STXBP5L: variants seen among roughly 807,000 people sequenced by gnomAD.
STXBP5L encodes syntaxin-binding protein 5-like.
A neutral mutation model predicts 144.5 loss-of-function variants in STXBP5L; 65 were observed. That is an observed-to-expected ratio of 0.45 (90% CI 0.37 to 0.55). The LOEUF (loss-of-function observed/expected upper bound fraction) is 0.55, where lower values mean the gene tolerates loss of function less well. Among genes scored for constraint, STXBP5L ranks in the 20% least tolerant of loss-of-function variants. The pLI is 0.00. For missense variants in STXBP5L, 1,298 were observed against 1,405.5 expected (o/e 0.92, Z 1.22); for synonymous variants, 505 against 469.6 (o/e 1.08, Z -0.97).
chr3:121,058,995 T>A (rs1043477585), intron 5 of STXBP5L, among the ~76,000 whole-genome samples: 48 of 152,324 alleles, frequency 3.2e-4, no homozygotes, highest in African/African-American at 1.1e-3. Context: ...CATTTGTCAA[T>A]TTTGCCTTTT....
At chr3:120,959,864 A>G (rs1938547710) in intron 3 of STXBP5L, among the ~76,000 whole-genome samples, 1 of 152,252 alleles carries the variant, frequency 6.6e-6, no homozygotes, top group African/African-American at 2.4e-5. Context: ...TCATGACTAA[A>G]ACACCAAAAG....
rs1470452065 is a variant in STXBP5L, at chr3:120,909,707, A to G, written c.129A>G (p.Ala43=). The change falls in exon 2 of 27, where the codon GCA becomes GCG. Residue 43 remains alanine, a synonymous_variant. Coordinates refer to ENST00000471454, the MANE Select transcript of STXBP5L (RefSeq NM_001308330.2). ...GSGSVHPAGT[A]GVLREEIQET... ...GTTCCGTACATCCGGCGGGGACTGC[A>G]GGGGTTCTCAGAGAGGAAATTCAGG... The G allele has an allele frequency of 1.9e-6, 3 of 1,611,712 alleles. No homozygotes were observed. Among genetic ancestry groups the G allele is most frequent in the South Asian group, 1.1e-5 (1 of 90,542 alleles).
chr3:121,207,146 CTGTT>C (rs957507255), intron 10 of STXBP5L, among the ~76,000 whole-genome samples: 119 of 151,850 alleles, frequency 7.8e-4, no homozygotes, highest in African/African-American at 2.7e-3. Context: ...AAAATGAACA[CTGTT>C]TGAACAGAGC....
At chr3:121,006,160 T>C (rs1250976206) in intron 3 of STXBP5L, among the ~76,000 whole-genome samples, 5 of 152,152 alleles carry the variant, frequency 3.3e-5, no homozygotes, top group Non-Finnish European at 7.4e-5. Flanking sequence ...GGTGTTAAAG[T>C]CTCCCATTAT....
At chr3:121,117,833 C>T (rs2044297850) in intron 6 of STXBP5L, among the ~76,000 whole-genome samples, 1 of 151,434 alleles carries the variant, frequency 6.6e-6, no homozygotes, top group Non-Finnish European at 1.5e-5. Context: ...TTATTTGGAA[C>T]CTGGGACAAA....
intron 8 of STXBP5L, among the ~76,000 whole-genome samples, chr3:121,156,392 T>C (rs2108000105): frequency 6.6e-6 from 1 of 152,106 alleles, no homozygotes; most frequent in East Asian, 1.9e-4. Flanking sequence ...TCTCTTGCTG[T>C]TTTATAAGTG....
chr3:121,049,069 C>A (rs1947741888), intron 5 of STXBP5L, among the ~76,000 whole-genome samples: 1 of 151,884 alleles, frequency 6.6e-6, no homozygotes, highest in South Asian at 2.1e-4. Context: ...CTGCTACTAG[C>A]CTGAGAGCCT....
chr3:121,192,712 G>A (rs1170350623), intron 9 of STXBP5L, among the ~76,000 whole-genome samples: 1 of 152,134 alleles, frequency 6.6e-6, no homozygotes, highest in Non-Finnish European at 1.5e-5. Flanking sequence ...ACAAAAACCA[G>A]CAATGGGGAA....
chr3:121,343,646 C>G (rs1320861226), intron 20 of STXBP5L, among the ~76,000 whole-genome samples: 1 of 152,052 alleles, frequency 6.6e-6, no homozygotes, highest in East Asian at 1.9e-4. Context: ...CACCCATTCA[C>G]AATTGCTTCA....
intron 11 of STXBP5L, among the ~76,000 whole-genome samples, chr3:121,226,427 G>A (rs768082128): frequency 6.6e-6 from 1 of 152,086 alleles, no homozygotes; most frequent in Non-Finnish European, 1.5e-5. Context: ...GGGGGGCCCC[G>A]TTACTATTTT....
intron 2 of STXBP5L, among the ~76,000 whole-genome samples, chr3:120,937,105 A>C (rs1487207991): frequency 6.6e-6 from 1 of 152,122 alleles, no homozygotes; most frequent in East Asian, 1.9e-4. Context: ...AGGTGGGCAT[A>C]TCTCTTCCTT....
chr3:121,136,383 C>T (rs1473150893), intron 7 of STXBP5L, among the ~76,000 whole-genome samples: 1 of 152,116 alleles, frequency 6.6e-6, no homozygotes. Context: ...AGTTAGGAAC[C>T]CATGGGCCCC....
intron 19 of STXBP5L, among the ~76,000 whole-genome samples, chr3:121,308,167 G>T (rs2043405456): frequency 6.6e-6 from 1 of 152,178 alleles, no homozygotes; most frequent in East Asian, 1.9e-4. Flanking sequence ...TTAATGCCTA[G>T]GTGATGGGTT....
chr3:121,282,282 TGG>T, intron 19 of STXBP5L: 2 of 1,612,294 alleles, frequency 1.2e-6, no homozygotes, highest in Non-Finnish European at 1.7e-6. Flanking sequence ...TTTGCATGCG[TGG>T]CCTGTCTAAC....
chr3:121,330,711 G>A (rs1482696160), intron 20 of STXBP5L, among the ~76,000 whole-genome samples: 1 of 152,134 alleles, frequency 6.6e-6, no homozygotes, highest in Non-Finnish European at 1.5e-5. Context: ...AACAGCATCT[G>A]CAGGCAGAAT....
chr3:120,973,223 T>A (rs368123467), intron 3 of STXBP5L, among the ~76,000 whole-genome samples: 11 of 152,104 alleles, frequency 7.2e-5, no homozygotes, highest in African/African-American at 2.2e-4. Context: ...CGTAGGAGAT[T>A]CTTAAATTAC....
intron 9 of STXBP5L, among the ~76,000 whole-genome samples, chr3:121,196,477 C>A (rs543968651): frequency 1.3e-5 from 2 of 152,078 alleles, no homozygotes; most frequent in South Asian, 4.2e-4. Flanking sequence ...GAGGTCTTTC[C>A]TTTTATCTGT....
At position 121,258,229 on chromosome 3, in the gene STXBP5L, A is replaced by G. The variant is rs377547515; in HGVS notation, c.1833-814A>G. Among the ~76,000 whole-genome samples the G allele has an allele frequency of 1.7e-4, 26 of 152,348 alleles. No individual in the cohort carries two copies. In the South Asian group the frequency reaches 3.9e-3, roughly 23 times the overall value. On this transcript the variant is annotated intron_variant, in intron 17 of 26. Coordinates refer to ENST00000471454, the MANE Select transcript of STXBP5L (RefSeq NM_001308330.2). ...TACTGCTTCTATACCATCAAATCAAATATTTCTAGTGTTAGCTGGCTGGAG... is the reference window on the plus strand; with the variant it reads ...TACTGCTTCTATACCATCAAATCAAGTATTTCTAGTGTTAGCTGGCTGGAG...
chr3:120,949,619 C>G (rs1408645134), intron 2 of STXBP5L, among the ~76,000 whole-genome samples: 1 of 152,098 alleles, frequency 6.6e-6, no homozygotes, highest in African/African-American at 2.4e-5. Flanking sequence ...GATCCAGTTT[C>G]ATTCTTCTAC....
Sources: allele counts gnomAD v4.1 joint callset (sites outside exome capture counted in the v4.1 genomes callset), GRCh38; gene constraint gnomAD v4.1.1; transcripts MANE v1.5; gene names NCBI Gene and HGNC (gene_info 2026-07-23, HGNC 2026-07-21).